The following EML4 variants were observed in gnomAD, a reference collection of about 807,000 sequenced individuals.
The protein encoded by EML4 is EMAP like 4.
In EML4, 72 loss-of-function variants were observed where a neutral mutation model predicts 129.0. That is an observed-to-expected ratio of 0.56 (90% confidence interval 0.46 to 0.68). The LOEUF is 0.68. Ranked by LOEUF, EML4 falls within the 30% of genes least tolerant of loss-of-function variation. EML4 has a pLI of 0.00. For synonymous variants in EML4, 532 were observed against 405.0 expected, an observed-to-expected ratio of 1.31 and a Z score of -3.77; for missense variants, 1,363 against 1,190.6, an observed-to-expected ratio of 1.14 and a Z score of -2.13.
At chr2:42,277,223 C>T (rs1666704276) in intron 6 of EML4, among the ~76,000 whole-genome samples, 1 of 152,018 alleles carries the variant, frequency 6.6e-6, no homozygotes, top group African/African-American at 2.4e-5. Context: ...GAGATATCTG[C>T]CTTCAGAAAG....
intron 6 of EML4, among the ~76,000 whole-genome samples, chr2:42,270,844 GA>G (rs1292816366): frequency 6.6e-6 from 1 of 152,218 alleles, no homozygotes; most frequent in African/African-American, 2.4e-5. Flanking sequence ...AGAAAGGACG[GA>G]AGACCAATGC....
At chr2:42,328,481 G>C (rs1050297276) in intron 21 of EML4, among the ~76,000 whole-genome samples, 5 of 152,124 alleles carry the variant, frequency 3.3e-5, no homozygotes, top group Non-Finnish European at 7.4e-5. Context: ...ACTCCACTTC[G>C]AAGACTTGGT....
chr2:42,325,409 A>T (rs1266833496), intron 19 of EML4, 58 bp from the exon 20 acceptor site: 1 of 789,840 alleles, frequency 1.3e-6, no homozygotes. Flanking sequence ...CTAGCTGTTG[A>T]ACTGTTTATC....
intron 21 of EML4, 91 bp from the exon 22 acceptor site, chr2:42,328,795 A>C (rs1297609258): frequency 9.3e-7 from 1 of 1,077,608 alleles, no homozygotes; most frequent in African/African-American, 1.6e-5. Context: ...GATAAAAGCT[A>C]AACAGATTCT....
At chr2:42,235,450 C>T (rs543921928) in intron 1 of EML4, among the ~76,000 whole-genome samples, 2 of 152,234 alleles carry the variant, frequency 1.3e-5, no homozygotes, top group East Asian at 3.9e-4. Context: ...GCAACAGAGC[C>T]AGACTGTGTC....
At chr2:42,305,467 A>G (rs1668544589) in intron 17 of EML4, among the ~76,000 whole-genome samples, 1 of 152,202 alleles carries the variant, frequency 6.6e-6, no homozygotes, top group Non-Finnish European at 1.5e-5. Context: ...AAGGATTTGA[A>G]GCTGATGTAA....
At chr2:42,261,602 C>G in intron 4 of EML4, 2 of 207,456 alleles carry the variant, frequency 9.6e-6, no homozygotes, top group Non-Finnish European at 1.9e-5. Context: ...TTTTTGAATA[C>G]TTTTAAAATA....
intron 8 of EML4, among the ~76,000 whole-genome samples, chr2:42,283,215 C>T (rs1206424272): frequency 6.6e-6 from 1 of 152,174 alleles, no homozygotes; most frequent in East Asian, 1.9e-4. Flanking sequence ...CTTCTGCTTT[C>T]TCATGTCGTA....
chr2:42,282,515 T>C (rs1388930374), intron 7 of EML4, among the ~76,000 whole-genome samples: 5 of 152,082 alleles, frequency 3.3e-5, no homozygotes, highest in Admixed American at 3.3e-4. Context: ...CACCTCAGAC[T>C]CCCAAGTAGC....
rs759590275 is a variant in EML4, at chr2:42,330,075, C to T, written c.2814C>T (p.Ser938=). 5.0e-6 allele frequency: 8 copies of T among 1,612,894 alleles called. No individual in the cohort carries two copies. The highest frequency in any genetic ancestry group is 2.2e-5 in the South Asian group (2 of 90,992). The change falls in exon 23 of 23, where the codon AGC becomes AGT. Residue 938 remains serine (S), a synonymous_variant. Transcript: ENST00000318522. The part of the protein sequence containing the change: ...EQTVEPSEDH[S]EEESEEGSGD... ...CTGTGGAGCCAAGTGAAGACCACAG[C>T]GAGGAGGAGAGTGAAGAGGGCAGCG... is the stretch of plus-strand genomic sequence containing the variant.
At chr2:42,189,749 A>G (rs1317693730) in intron 1 of EML4, among the ~76,000 whole-genome samples, 1 of 152,222 alleles carries the variant, frequency 6.6e-6, no homozygotes, top group Non-Finnish European at 1.5e-5. Context: ...CTGAAGCCCA[A>G]GTCATGCCTT....
rs750588470 is a variant in EML4, at chr2:42,329,793, C to A, written c.2532C>A (p.His844Gln). The A allele has an allele frequency of 5.0e-6, 8 of 1,614,024 alleles. No homozygotes were observed. In the South Asian group the frequency reaches 5.5e-5, roughly 11 times the overall value. The part of the protein sequence containing the change: ...SSHVTNVSFT[H>Q]NDSHLISTGG... ...ATGTCACCAATGTCAGTTTTACTCA[C>A]AATGACAGTCACCTGATATCAACTG... The change falls in exon 23 of 23, where the codon CAC (histidine) becomes CAA (glutamine). Residue 844 changes from histidine (H) to glutamine (Q), a missense_variant. Coordinates refer to ENST00000318522, the MANE Select transcript of EML4 (RefSeq NM_019063.5).
At chr2:42,198,190 T>G (rs567821995) in intron 1 of EML4, among the ~76,000 whole-genome samples, 2 of 152,336 alleles carry the variant, frequency 1.3e-5, no homozygotes, top group Non-Finnish European at 2.9e-5. Flanking sequence ...TTAAGGGAGA[T>G]AGAGGGAGTC....
At chr2:42,271,818 C>G (rs1198100096) in intron 6 of EML4, among the ~76,000 whole-genome samples, 3 of 152,106 alleles carry the variant, frequency 2.0e-5, no homozygotes, top group African/African-American at 7.2e-5. Flanking sequence ...TCTGTGCTGT[C>G]CAGGCCGGGC....
At chr2:42,263,765 C>G (rs62142564) in intron 5 of EML4, among the ~76,000 whole-genome samples, 2 of 151,386 alleles carry the variant, frequency 1.3e-5, no homozygotes, top group African/African-American at 4.9e-5. Context: ...GAGTCTCACT[C>G]TGTTGCCAGG....
Position 42,330,201 on chromosome 2 carries a change from G to T in EML4, c.2940G>T (p.Ser980=), listed in dbSNP as rs777457843. 3 of 1,612,688 alleles carry T rather than the reference G, an allele frequency of 1.9e-6. No homozygotes were observed. The highest frequency in any genetic ancestry group is 1.1e-5 in the South Asian group (1 of 90,958). ...AGGACCAGCAAGACCCTTCGCCCTC[G>T]TCCTAACACCCTGGCTTCAGTGCAA... ...LLEDQQDPSP[S]S The change falls in exon 23 of 23, where the codon TCG becomes TCT. Residue 980 remains serine (S), a synonymous_variant. Coordinates refer to ENST00000318522, the MANE Select transcript of EML4 (RefSeq NM_019063.5).
intron 2 of EML4, among the ~76,000 whole-genome samples, chr2:42,248,555 A>G (rs1026557866): frequency 6.6e-6 from 1 of 152,120 alleles, no homozygotes; most frequent in African/African-American, 2.4e-5. Flanking sequence ...CATAATTCCT[A>G]TGTCTCTAAA....
chr2:42,190,773 C>T (rs1671535206), intron 1 of EML4, among the ~76,000 whole-genome samples: 2 of 152,206 alleles, frequency 1.3e-5, no homozygotes, highest in Admixed American at 1.3e-4. Flanking sequence ...AGCATGAAAG[C>T]AGCCATAAAC....
chr2:42,251,272 A>G (rs1675748853), intron 2 of EML4, among the ~76,000 whole-genome samples: 1 of 152,208 alleles, frequency 6.6e-6, no homozygotes, highest in Non-Finnish European at 1.5e-5. Context: ...TAGAAAAGAT[A>G]TGGTAAAAAT....
Sources: allele counts gnomAD v4.1 joint callset (sites outside exome capture counted in the v4.1 genomes callset), GRCh38; gene constraint gnomAD v4.1.1; transcripts MANE v1.5; gene names NCBI Gene and HGNC (gene_info 2026-07-23, HGNC 2026-07-21).